CAMK4: variants seen among roughly 807,000 people sequenced by gnomAD.
The protein encoded by CAMK4 is calcium/calmodulin-dependent protein kinase type IV.
A neutral mutation model predicts 44.9 loss-of-function variants in CAMK4; 22 were observed. The observed-to-expected ratio is 0.49, with a 90% CI of 0.35 to 0.70. The LOEUF is 0.70. Among genes scored for constraint, CAMK4 ranks in the 30% least tolerant of loss-of-function variants. The pLI is 0.01. For synonymous variants in CAMK4, 218 were observed against 215.4 expected (o/e 1.01, Z -0.11); for missense variants, 498 against 586.8 (o/e 0.85, Z 1.56).
chr5:111,401,292 C>A (rs763274777), intron 5 of CAMK4, among the ~76,000 whole-genome samples: 6 of 152,282 alleles, frequency 3.9e-5, no homozygotes, highest in Middle Eastern at 6.8e-3. Context: ...GCATGCGACA[C>A]CATGCCTGGC....
intron 1 of CAMK4, among the ~76,000 whole-genome samples, chr5:111,226,946 C>G (rs1388261256): frequency 6.6e-6 from 1 of 152,172 alleles, no homozygotes; most frequent in Non-Finnish European, 1.5e-5. Context: ...GATTCTCGCT[C>G]TATTATCTAG....
At chr5:111,328,638 C>A (rs1405539154) in intron 1 of CAMK4, among the ~76,000 whole-genome samples, 1 of 151,994 alleles carries the variant, frequency 6.6e-6, no homozygotes. Flanking sequence ...TCTTCCTACC[C>A]ATGAGCATGG....
intron 5 of CAMK4, among the ~76,000 whole-genome samples, chr5:111,445,610 T>C (rs1205394285): frequency 6.6e-6 from 1 of 152,150 alleles, no homozygotes; most frequent in Non-Finnish European, 1.5e-5. Context: ...AAATTTTTCA[T>C]AGAGATGGGC....
At chr5:111,338,420 C>T (rs1324705433) in intron 1 of CAMK4, among the ~76,000 whole-genome samples, 1 of 151,122 alleles carries the variant, frequency 6.6e-6, no homozygotes, top group Non-Finnish European at 1.5e-5. Context: ...TGTCTGTTAA[C>T]TCTGTTGATA....
intron 10 of CAMK4, 92 bp downstream of exon 10, chr5:111,483,029 C>T: frequency 9.4e-7 from 1 of 1,058,360 alleles, no homozygotes; most frequent in Non-Finnish European, 1.3e-6. Flanking sequence ...CGTTCTTCAT[C>T]TAATACTATT....
Position 111,491,981 on chromosome 5 carries a change from G to A in CAMK4, c.*7515G>A, listed in dbSNP as rs80267720. The A allele has an allele frequency of 6.6e-6, 1 of 151,918 alleles. No homozygotes were observed. Among genetic ancestry groups the A allele is most frequent in the Admixed American group, 6.5e-5 (1 of 15,268 alleles). The allele number at this position is 151,918 out of a possible 1,614,324, so 9.4% of individuals were successfully genotyped here. On this transcript the variant is annotated 3_prime_UTR_variant, in exon 11 of 11. Coordinates refer to ENST00000282356, the MANE Select transcript of CAMK4 (RefSeq NM_001744.6). The stretch of plus-strand genomic sequence containing the variant: ...AAGAAAGCCATTTTCTAATCCCCAC[G>A]CTTTCCTGAGTGTTACGTATTTTAT...
At chr5:111,456,992 G>C (rs1754439917) in intron 7 of CAMK4, among the ~76,000 whole-genome samples, 2 of 152,164 alleles carry the variant, frequency 1.3e-5, no homozygotes, top group South Asian at 2.1e-4. Context: ...TCCAGCATCT[G>C]ATCTGTCAGT....
At chr5:111,267,623 G>A (rs1750311593) in intron 1 of CAMK4, among the ~76,000 whole-genome samples, 1 of 147,000 alleles carries the variant, frequency 6.8e-6, no homozygotes, top group Non-Finnish European at 1.5e-5. Flanking sequence ...AGAATGGCGT[G>A]AACCCGGAAG....
rs186932665 is a variant in CAMK4 at position 111,289,991 on chromosome 5, G to C, written c.162-54033G>C. Among the ~76,000 whole-genome samples the C allele has an allele frequency of 3.9e-5, 6 of 152,310 alleles. No individual in the cohort carries two copies. The East Asian group carries it at 1.2e-3, about 29-fold the overall frequency. On this transcript the variant is annotated intron_variant, in intron 1 of 10. Transcript: ENST00000282356. Reference sequence around the variant, plus strand: ...TCTCCCTGGGAACCCAATATTCTATGGCAGGGTGTAAAGCTGTGGGGACAG... The same window carrying C: ...TCTCCCTGGGAACCCAATATTCTATCGCAGGGTGTAAAGCTGTGGGGACAG...
chr5:111,421,945 G>A (rs1241215004), intron 5 of CAMK4, among the ~76,000 whole-genome samples: 1 of 152,168 alleles, frequency 6.6e-6, no homozygotes, highest in Non-Finnish European at 1.5e-5. Context: ...TCTCTTGCCT[G>A]CTGCCATGTA....
intron 4 of CAMK4, among the ~76,000 whole-genome samples, chr5:111,394,188 G>A (rs908930250): frequency 5.9e-5 from 9 of 152,060 alleles, no homozygotes; most frequent in Non-Finnish European, 8.8e-5. Context: ...ATAATATTAA[G>A]AAATTAATTA....
chr5:111,292,266 A>G (rs1316240573), intron 1 of CAMK4, among the ~76,000 whole-genome samples: 1 of 152,184 alleles, frequency 6.6e-6, no homozygotes, highest in African/African-American at 2.4e-5. Context: ...AACATTCTAT[A>G]TTGTTATCAT....
At chr5:111,249,408 T>C (rs1749378661) in intron 1 of CAMK4, among the ~76,000 whole-genome samples, 2 of 151,508 alleles carry the variant, frequency 1.3e-5, no homozygotes, top group Admixed American at 1.3e-4. Context: ...CTAGATGTTA[T>C]ATATTGTATG....
At chr5:111,444,725 C>T (rs546279799) in intron 5 of CAMK4, among the ~76,000 whole-genome samples, 2 of 152,274 alleles carry the variant, frequency 1.3e-5, no homozygotes, top group South Asian at 4.1e-4. Context: ...GTATAAAAGA[C>T]TCCTTGCCTT....
chr5:111,403,841 C>T (rs1459601706), intron 5 of CAMK4, among the ~76,000 whole-genome samples: 1 of 152,034 alleles, frequency 6.6e-6, no homozygotes, highest in Non-Finnish European at 1.5e-5. Flanking sequence ...AAAATTTTAC[C>T]GAATTCTGCC....
intron 2 of CAMK4, among the ~76,000 whole-genome samples, chr5:111,369,238 T>C (rs1039743587): frequency 6.6e-6 from 1 of 151,862 alleles, no homozygotes; most frequent in Non-Finnish European, 1.5e-5. Flanking sequence ...GCTAATTTTG[T>C]ATTTTTAATA....
In CAMK4 at chr5:111,385,408, G is replaced by A. The variant is rs943382276; in HGVS notation, c.386+8466G>A. ...AGGCCAGAAGGAAGGGCCTATTGTG[G>A]CAAAATGATGTTCAAAAGCACAATT... On this transcript the variant is annotated intron_variant, in intron 4 of 10. Coordinates refer to ENST00000282356, the MANE Select transcript of CAMK4 (RefSeq NM_001744.6). 9.2e-5 allele frequency among the ~76,000 whole-genome samples: 14 copies of A among 152,076 alleles called. 1 individual carries two copies. Among genetic ancestry groups the A allele is most frequent in the Non-Finnish European group, 2.9e-5 (2 of 68,018 alleles).
intron 7 of CAMK4, among the ~76,000 whole-genome samples, chr5:111,452,066 G>A (rs983373636): frequency 2.6e-5 from 4 of 152,134 alleles, no homozygotes; most frequent in Non-Finnish European, 5.9e-5. Flanking sequence ...TCTGGATGGA[G>A]AGTTCTTAGA....
chr5:111,395,833 T>C (rs1751986909), intron 5 of CAMK4, among the ~76,000 whole-genome samples: 1 of 152,148 alleles, frequency 6.6e-6, no homozygotes, highest in South Asian at 2.1e-4. Flanking sequence ...CCAGAACAAA[T>C]TATTATTTGA....
Sources: gnomAD v4.1 joint callset for allele counts (sites outside exome capture counted in the v4.1 genomes callset) on GRCh38, gnomAD v4.1.1 for gene constraint, MANE v1.5 for transcripts, NCBI Gene and HGNC (gene_info 2026-07-23, HGNC 2026-07-21) for gene names.